The following TOB2 variants were observed in gnomAD, a reference collection of about 807,000 sequenced individuals.
TOB2 encodes the protein protein Tob2.
TOB2 carries 3 observed loss-of-function variants against 17.3 expected under a neutral mutation model. The observed-to-expected ratio is 0.17, with a 90% CI of 0.08 to 0.45. TOB2 has a LOEUF of 0.45. Ranked by LOEUF, TOB2 falls within the 20% of genes least tolerant of loss-of-function variation. The pLI is 0.99. For synonymous variants in TOB2, 163 were observed against 185.6 expected, an observed-to-expected ratio of 0.88 and a Z score of 0.99; for missense variants, 407 against 445.7, an observed-to-expected ratio of 0.91 and a Z score of 0.78.
Position 41,436,649 on chromosome 22 carries a change from G to A in TOB2, c.697C>T (p.Leu233Phe). 2 of 1,614,106 alleles carry A rather than the reference G, an allele frequency of 1.2e-6. No homozygotes were observed. The highest frequency in any genetic ancestry group is 2.2e-5 in the East Asian group (1 of 44,882). Residue 233 changes from leucine to phenylalanine, a missense_variant, in exon 2 of 2, where the codon CTC (leucine) becomes TTC (phenylalanine). Coordinates refer to ENST00000327492, the MANE Select transcript of TOB2 (RefSeq NM_016272.4). This position sits in a 1 kb window ranked among gnomAD's most constrained non-coding sequence, Gnocchi z 4.8. ...PTNSLLKHKSLSLSMHSLNFI... is the reference protein window; with the variant it reads ...PTNSLLKHKSFSLSMHSLNFI... ...TTCAGTGAATGCATAGACAGAGAGAGGCTCTTGTGCTTCAGCAGGCTGTTG... is the reference window on the plus strand; with the variant it reads ...TTCAGTGAATGCATAGACAGAGAGAAGCTCTTGTGCTTCAGCAGGCTGTTG...
In TOB2 at chr22:41,434,123, T is replaced by C. The variant is rs2037518645; in HGVS notation, c.*2188A>G. 1.3e-5 allele frequency: 2 copies of C among 155,886 alleles called. No individual in the cohort carries two copies. Among genetic ancestry groups the C allele is most frequent in the Non-Finnish European group, 2.8e-5 (2 of 70,638 alleles). The allele number at this position is 155,886 out of a possible 1,614,324, so 9.7% of individuals were successfully genotyped here. A position where few individuals can be genotyped will look rare whatever the true frequency, so the allele number is the denominator to read the frequency against. ...AAGTTTTCCTACGAAACCAGGTAAA[T>C]TAGTGCAGATTTCTGTTTTTGTATT... On this transcript the variant is annotated 3_prime_UTR_variant, in exon 2 of 2. Transcript: ENST00000327492.
Position 41,434,127 on chromosome 22 carries a change from TGCA to T in TOB2, c.*2181_*2183del, listed in dbSNP as rs2037518786. 6.4e-6 allele frequency: 1 copy of T among 155,918 alleles called. No homozygotes were observed. Among genetic ancestry groups the T allele is most frequent in the Non-Finnish European group, 1.4e-5 (1 of 70,640 alleles). 9.7% of individuals were successfully genotyped at this position (155,918 alleles called of 1,614,324 possible). ...TTTCCTACGAAACCAGGTAAATTAG[TGCA>T]GATTTCTGTTTTTGTATTCTTAAAA... On this transcript the variant is annotated 3_prime_UTR_variant, in exon 2 of 2. Coordinates refer to ENST00000327492, the MANE Select transcript of TOB2 (RefSeq NM_016272.4).
In TOB2 at chr22:41,436,620, G is replaced by A; in HGVS notation, c.726C>T (p.Phe242=). The change falls in exon 2 of 2, where the codon TTC becomes TTT. Residue 242 remains phenylalanine (F), a synonymous_variant. Transcript: ENST00000327492. The surrounding 1 kb of genome is among the most constrained non-coding windows in gnomAD (Gnocchi z 4.8). The stretch of plus-strand genomic sequence containing the variant: ...ACTGAGGGGCCGGGTTGGCCGTGAT[G>A]AAGTTCAGTGAATGCATAGACAGAG... ...SLSLSMHSLN[F]ITANPAPQSQ... is the part of the protein sequence containing the mutation. 3 of 1,613,850 alleles carry A rather than the reference G, an allele frequency of 1.9e-6. No homozygotes were observed. The African/African-American group carries it at 4.0e-5, about 21-fold the overall frequency.
rs1472391685 is a variant in TOB2, at chr22:41,437,308, A to G, written c.38T>C (p.Ile13Thr). 6.2e-7 allele frequency: 1 copy of G among 1,613,910 alleles called. No homozygotes were observed. The highest frequency in any genetic ancestry group is 8.5e-7 in the Non-Finnish European group (1 of 1,179,990). ...GGGCAGCTTGTTGTACAAGTAGGAG[A>G]TGATGAAGTTCAGGGCCACTTTGAT... Reference protein sequence around the residue: ...LEIKVALNFIISYLYNKLPRR... With the variant: ...LEIKVALNFITSYLYNKLPRR... The change falls in exon 2 of 2, where the codon ATC (isoleucine) becomes ACC (threonine). Residue 13 changes from isoleucine to threonine, a missense_variant. Transcript: ENST00000327492.
chr22:41,437,425 C>A lies in TOB2; in HGVS notation c.-62-18G>T. On this transcript the variant is annotated intron_variant, in intron 1 of 1. Transcript: ENST00000327492. ...AGGCGGCTCTGGGAAATGAGAGGCA[C>A]CGTGAGAAAATATGCAGAAAGCTGG... 1 of 1,520,206 alleles carries A rather than the reference C, an allele frequency of 6.6e-7. No individual in the cohort carries two copies. The highest frequency in any genetic ancestry group is 8.8e-7 in the Non-Finnish European group (1 of 1,139,214). The allele number at this position is 1,520,206 out of a possible 1,614,324, so 94.2% of individuals were successfully genotyped here. A position where few individuals can be genotyped will look rare whatever the true frequency, so the allele number is the denominator to read the frequency against.
Position 41,436,482 on chromosome 22 carries a change from G to A in TOB2, c.864C>T (p.Gly288=). Residue 288 remains glycine, a synonymous_variant, in exon 2 of 2, where the codon GGC becomes GGT. Transcript: ENST00000327492. The surrounding 1 kb of genome is among the most constrained non-coding windows in gnomAD (Gnocchi z 4.8). The part of the protein sequence containing the change: ...QGSGTPGPFG[G]SGAGTCNSSS... Reference sequence around the variant, plus strand: ...TGCTGTTGCAGGTGCCAGCCCCACTGCCTCCAAACGGGCCTGGGGTGCCGC... The same window carrying A: ...TGCTGTTGCAGGTGCCAGCCCCACTACCTCCAAACGGGCCTGGGGTGCCGC... The A allele has an allele frequency of 6.2e-7, 1 of 1,614,070 alleles. No individual in the cohort carries two copies. The highest frequency in any genetic ancestry group is 1.3e-5 in the African/African-American group (1 of 75,058).
At position 41,434,668 on chromosome 22, in the gene TOB2, G is replaced by A. The variant is rs141317378; in HGVS notation, c.*1643C>T. 1 of 152,894 alleles carries A rather than the reference G, an allele frequency of 6.5e-6. No homozygotes were observed. Among genetic ancestry groups the A allele is most frequent in the Non-Finnish European group, 1.5e-5 (1 of 68,170 alleles). The allele number at this position is 152,894 out of a possible 1,614,324, so 9.5% of individuals were successfully genotyped here. On this transcript the variant is annotated 3_prime_UTR_variant, in exon 2 of 2. Coordinates refer to ENST00000327492, the MANE Select transcript of TOB2 (RefSeq NM_016272.4). Reference sequence around the variant, plus strand: ...TAGGATGGAGTGGGTGGGGTGCCAGGGGCTTTGGTGCTTTCTGGTGATTGG... The same window carrying A: ...TAGGATGGAGTGGGTGGGGTGCCAGAGGCTTTGGTGCTTTCTGGTGATTGG...
At chr22:41,445,065 A>T (rs1055546698) in intron 1 of TOB2, among the ~76,000 whole-genome samples, 1 of 152,262 alleles carries the variant, frequency 6.6e-6, no homozygotes. Flanking sequence ...TCTCGGCCAA[A>T]GAAATTTCCA....
chr22:41,439,482 CGTAT>C (rs6147628), intron 1 of TOB2, among the ~76,000 whole-genome samples: 24,844 of 147,916 alleles, frequency 0.17, 2,169 homozygotes, highest in East Asian at 0.26. Context: ...TTTAATTTTA[CGTAT>C]GTATGTATGT....
Position 41,437,043 on chromosome 22 carries a change from G to C in TOB2, c.303C>G (p.Tyr101Ter). 6.2e-7 allele frequency: 1 copy of C among 1,614,084 alleles called. No individual in the cohort carries two copies. The highest frequency in any genetic ancestry group is 8.5e-7 in the Non-Finnish European group (1 of 1,180,008). The change falls in exon 2 of 2, where the codon TAC becomes TAG. Residue 101 changes from tyrosine to a stop codon, truncating the protein, a stop_gained. Coordinates refer to ENST00000327492, the MANE Select transcript of TOB2 (RefSeq NM_016272.4). LOFTEE classifies it high-confidence loss of function. Reference protein sequence around the residue: ...SVWIDPFEVSYQIGEKGAVKV... With the variant: ...SVWIDPFEVS ...TCACAGCTCCCTTCTCACCAATCTG[G>C]TAGGACACCTCAAAGGGATCAATCC...
chr22:41,437,265 C>A lies in TOB2; in HGVS notation c.81G>T (p.Leu27=), dbSNP rs149386607. Reference sequence around the variant, plus strand: ...AAAGCCGCTCTAGCTCCTCCCCAAACAGGTCTGCCCGGCGCCGGGGCAGCT... The same window carrying A: ...AAAGCCGCTCTAGCTCCTCCCCAAAAAGGTCTGCCCGGCGCCGGGGCAGCT... ...YNKLPRRRAD[L]FGEELERLLK... The change falls in exon 2 of 2, where the codon CTG becomes CTT. Residue 27 remains leucine, a synonymous_variant. Coordinates refer to ENST00000327492, the MANE Select transcript of TOB2 (RefSeq NM_016272.4). 1.5e-5 allele frequency: 24 copies of A among 1,614,034 alleles called. No individual in the cohort carries two copies. The highest frequency in any genetic ancestry group is 1.7e-5 in the Non-Finnish European group (20 of 1,180,034).
chr22:41,439,329 C>G (rs1171866395), intron 1 of TOB2, among the ~76,000 whole-genome samples: 1 of 152,148 alleles, frequency 6.6e-6, no homozygotes, highest in Non-Finnish European at 1.5e-5. Context: ...GATTTTGATT[C>G]AAATCCTTTC....
At chr22:41,444,239 G>A (rs1450694382) in intron 1 of TOB2, among the ~76,000 whole-genome samples, 3 of 152,142 alleles carry the variant, frequency 2.0e-5, no homozygotes, top group Non-Finnish European at 2.9e-5. Context: ...AGACAGGCGG[G>A]TGTGTATTGA....
At chr22:41,444,889 C>CA (rs887982400) in intron 1 of TOB2, among the ~76,000 whole-genome samples, 5 of 152,226 alleles carry the variant, frequency 3.3e-5, no homozygotes, top group African/African-American at 1.2e-4. Context: ...CCCTTCCCCC[C>CA]ACCCAATCTG....
chr22:41,436,410 G>C lies in TOB2; in HGVS notation c.936C>G (p.Leu312=), dbSNP rs760476328. The change falls in exon 2 of 2, where the codon CTC becomes CTG. Residue 312 remains leucine, a synonymous_variant. Coordinates refer to ENST00000327492, the MANE Select transcript of TOB2 (RefSeq NM_016272.4). This position sits in a 1 kb window ranked among gnomAD's most constrained non-coding sequence, Gnocchi z 4.8. ...AQVFGGGANS[L]FLEKTPFVEG... ...CCACAAAGGGTGTCTTCTCCAGGAA[G>C]AGGCTGTTGGCACCACCTCCAAATA... 1 of 1,614,218 alleles carries C rather than the reference G, an allele frequency of 6.2e-7. No individual in the cohort carries two copies. The highest frequency in any genetic ancestry group is 1.1e-5 in the South Asian group (1 of 91,086).
At position 41,437,392 on chromosome 22, in the gene TOB2, T is replaced by C. The variant is rs965115089; in HGVS notation, c.-47A>G. On this transcript the variant is annotated 5_prime_UTR_variant, in exon 2 of 2. Coordinates refer to ENST00000327492, the MANE Select transcript of TOB2 (RefSeq NM_016272.4). The stretch of plus-strand genomic sequence containing the variant: ...TCAGCACAGGGCACGTGTACAGCCT[T>C]GGGCTCCAGGCGGCTCTGGGAAATG... 6.5e-7 allele frequency: 1 copy of C among 1,550,188 alleles called. No individual in the cohort carries two copies. Among genetic ancestry groups the C allele is most frequent in the African/African-American group, 1.4e-5 (1 of 72,540 alleles).
At chr22:41,439,141 C>T (rs1443735555) in intron 1 of TOB2, among the ~76,000 whole-genome samples, 2 of 152,098 alleles carry the variant, frequency 1.3e-5, no homozygotes, top group Admixed American at 6.6e-5. Flanking sequence ...AGGGCAGCTC[C>T]GGGGCTCATG....
Position 41,437,366 on chromosome 22 carries a change from A to T in TOB2, c.-21T>A. 7 of 1,602,864 alleles carry T rather than the reference A, an allele frequency of 4.4e-6. No individual in the cohort carries two copies. The highest frequency in any genetic ancestry group is 6.0e-6 in the Non-Finnish European group (7 of 1,174,690). ...TGCATGGTCCTTTCCTAGGCAGAGA[A>T]TCAGCACAGGGCACGTGTACAGCCT... is the stretch of plus-strand genomic sequence containing the variant. On this transcript the variant is annotated 5_prime_UTR_variant, in exon 2 of 2. Transcript: ENST00000327492.
At chr22:41,438,660 A>AAAAAAAAAAAAAG (rs1445119521) in intron 1 of TOB2, among the ~76,000 whole-genome samples, 1 of 146,994 alleles carries the variant, frequency 6.8e-6, no homozygotes, top group East Asian at 2.0e-4. Context: ...AAAAAAAAAA[A>AAAAAAAAAAAAAG]AGGAATAAGA....
Sources: gnomAD v4.1 joint callset for allele counts (sites outside exome capture counted in the v4.1 genomes callset) on GRCh38, gnomAD v4.1.1 for gene constraint, Gnocchi (gnomAD v3.1) non-coding constraint, MANE v1.5 for transcripts, NCBI Gene and HGNC (gene_info 2026-07-23, HGNC 2026-07-21) for gene names.